CRTAM: variants seen among roughly 807,000 people sequenced by gnomAD.
CRTAM encodes the protein cytotoxic and regulatory T-cell molecule.
In CRTAM, 44 loss-of-function variants were observed where a neutral mutation model predicts 50.0. The ratio of observed to expected loss-of-function variants is 0.88; its 90% CI spans 0.69 to 1.13. The LOEUF is 1.13. Among genes scored for constraint, CRTAM ranks in the 50% most tolerant of loss-of-function variants. The pLI, the probability that CRTAM is intolerant of heterozygous loss-of-function variation, is 0.00. For synonymous variants in CRTAM, 159 were observed against 169.3 expected, an observed-to-expected ratio of 0.94 and a Z score of 0.47; for missense variants, 448 against 457.5, an observed-to-expected ratio of 0.98 and a Z score of 0.19.
rs748841881 is a variant in CRTAM at position 122,854,058 on chromosome 11, G to A, written c.462G>A (p.Trp154Ter). The A allele has an allele frequency of 1.1e-5, 18 of 1,613,922 alleles. No homozygotes were observed. Among genetic ancestry groups the A allele is most frequent in the Non-Finnish European group, 1.3e-5 (15 of 1,179,920 alleles). Residue 154 changes from tryptophan (W) to a stop codon, truncating the protein, a stop_gained, in exon 4 of 10, where the codon TGG (tryptophan) becomes TGA (stop). Transcript: ENST00000227348. LOFTEE classifies it high-confidence loss of function. Reference sequence around the variant, plus strand: ...GCAAGCCCCCTCCGCAGATAACCTGGCTACTTGGGAATAGCATGGAAGTGT... The same window carrying A: ...GCAAGCCCCCTCCGCAGATAACCTGACTACTTGGGAATAGCATGGAAGTGT... ...MRSKPPPQIT[W>*]LLGNSMEVSG...
At chr11:122,841,681 T>C (rs1861800260) in intron 1 of CRTAM, among the ~76,000 whole-genome samples, 1 of 152,146 alleles carries the variant, frequency 6.6e-6, no homozygotes. Context: ...ATTACAGGTG[T>C]GAGCCACCGA....
rs368794118 is a variant in CRTAM, at chr11:122,855,892, G to T, written c.652+36G>T. ...CTAATGATTCTCTTGAATAATTTTT[G>T]ATTTACTTTAATATTACACTATCAA... On this transcript the variant is annotated intron_variant, in intron 5 of 9. Coordinates refer to ENST00000227348, the MANE Select transcript of CRTAM (RefSeq NM_019604.4). The T allele has an allele frequency of 3.9e-5, 61 of 1,567,400 alleles. No individual in the cohort carries two copies. The African/African-American group carries it at 7.3e-4, about 19-fold the overall frequency.
At chr11:122,847,323 G>A (rs767075218) in intron 1 of CRTAM, among the ~76,000 whole-genome samples, 2 of 152,044 alleles carry the variant, frequency 1.3e-5, no homozygotes, top group East Asian at 1.9e-4. Context: ...ACAGCTCCTC[G>A]GTGCAACAGG....
Position 122,838,925 on chromosome 11 carries a change from T to TTTTATTTA in CRTAM, c.46+347_46+354dup, listed in dbSNP as rs71281632. Among the ~76,000 whole-genome samples, 234 of 151,740 alleles carry TTTTATTTA rather than the reference T, an allele frequency of 1.5e-3. 1 individual carries two copies. The highest frequency in any genetic ancestry group is 6.8e-3 in the Middle Eastern group (2 of 294). On this transcript the variant is annotated intron_variant, in intron 1 of 9. Coordinates refer to ENST00000227348, the MANE Select transcript of CRTAM (RefSeq NM_019604.4). The stretch of plus-strand genomic sequence containing the variant: ...AGCATCCGTATTGAATTTTATTTTA[T>TTTTATTTA]TTTATTTATTTATTTATTTATGAGA...
intron 1 of CRTAM, among the ~76,000 whole-genome samples, chr11:122,844,467 C>T (rs1413595497): frequency 6.6e-6 from 1 of 152,220 alleles, no homozygotes; most frequent in Non-Finnish European, 1.5e-5. Context: ...TTTCTTAATA[C>T]TACTCTTTAT....
At chr11:122,857,479 GAAT>G (rs138823812) in intron 5 of CRTAM, among the ~76,000 whole-genome samples, 2,142 of 152,186 alleles carry the variant, frequency 0.014, 37 homozygotes, top group African/African-American at 0.049. Flanking sequence ...ATAATAATAA[GAAT>G]AATAGGCTAA....
intron 6 of CRTAM, 107 bp downstream of exon 6, chr11:122,862,651 T>G: frequency 5.4e-6 from 4 of 741,592 alleles, no homozygotes; most frequent in Non-Finnish European, 8.8e-6. Context: ...TAATTTTTAC[T>G]AAGACCATAC....
At chr11:122,864,981 GT>G (rs1199210580) in intron 7 of CRTAM, among the ~76,000 whole-genome samples, 5 of 151,942 alleles carry the variant, frequency 3.3e-5, no homozygotes, top group Admixed American at 2.6e-4. Context: ...CTTCTTAAAT[GT>G]GTATGTACTT....
At chr11:122,846,862 A>T (rs1489888335) in intron 1 of CRTAM, among the ~76,000 whole-genome samples, 1 of 152,184 alleles carries the variant, frequency 6.6e-6, no homozygotes, top group Non-Finnish European at 1.5e-5. Context: ...CTTCTTCCTT[A>T]ATGTCTACTA....
In CRTAM at chr11:122,872,634, A is replaced by G. The variant is rs1246291535; in HGVS notation, c.*1235A>G. On this transcript the variant is annotated 3_prime_UTR_variant, in exon 10 of 10. Coordinates refer to ENST00000227348, the MANE Select transcript of CRTAM (RefSeq NM_019604.4). Reference sequence around the variant, plus strand: ...TTGGAATCTGAATAAACCAATTACAAAATAACATATGTGCACATTGTAAGT... The same window carrying G: ...TTGGAATCTGAATAAACCAATTACAGAATAACATATGTGCACATTGTAAGT... 1 of 152,668 alleles carries G rather than the reference A, an allele frequency of 6.6e-6. No homozygotes were observed. The highest frequency in any genetic ancestry group is 2.4e-5 in the African/African-American group (1 of 41,460). The allele number at this position is 152,668 out of a possible 1,614,324, so 9.5% of individuals were successfully genotyped here. A position where few individuals can be genotyped will look rare whatever the true frequency, so the allele number is the denominator to read the frequency against.
chr11:122,867,011 GT>G (rs921839824), intron 7 of CRTAM, among the ~76,000 whole-genome samples: 1 of 152,096 alleles, frequency 6.6e-6, no homozygotes, highest in African/African-American at 2.4e-5. Flanking sequence ...TATTTGGATA[GT>G]TTTTTAAACT....
chr11:122,843,572 G>A (rs1190488181), intron 1 of CRTAM, among the ~76,000 whole-genome samples: 1 of 152,148 alleles, frequency 6.6e-6, no homozygotes, highest in African/African-American at 2.4e-5. Flanking sequence ...ATGGCACTCG[G>A]GGTCTAATAA....
At chr11:122,852,821 C>G (rs1411874583) in intron 3 of CRTAM, among the ~76,000 whole-genome samples, 1 of 152,144 alleles carries the variant, frequency 6.6e-6, no homozygotes, top group Non-Finnish European at 1.5e-5. Flanking sequence ...CTATTAGCTC[C>G]TTGAATCATA....
chr11:122,868,017 C>T lies in CRTAM; in HGVS notation c.969C>T (p.Asn323=), dbSNP rs143121855. The T allele has an allele frequency of 1.7e-5, 27 of 1,600,928 alleles. No homozygotes were observed. In the South Asian group the frequency reaches 2.0e-4, roughly 12 times the overall value. Residue 323 remains asparagine, a synonymous_variant, in exon 9 of 10, where the codon AAC becomes AAT. Transcript: ENST00000227348. ...CTTGATTTTCTTTTTTTGTAGAAAA[C>T]GAAGTTTCAGAACACACACTAGAAA... The part of the protein sequence containing the change: ...RKAHVIWKKE[N]EVSEHTLESY...
chr11:122,868,230 GTGTGTGTA>G (rs1862207052), intron 9 of CRTAM, 131 bp downstream of exon 9: 11 of 563,132 alleles, frequency 2.0e-5, no homozygotes, highest in African/African-American at 6.2e-5. Context: ...GTGTGTGTGT[GTGTGTGTA>G]TGAGGTGGGA....
intron 1 of CRTAM, among the ~76,000 whole-genome samples, chr11:122,845,125 G>A (rs1389663393): frequency 2.0e-5 from 3 of 152,166 alleles, no homozygotes. Context: ...ATAGAGCTGA[G>A]GAGCAGCAGC....
chr11:122,847,635 G>A (rs111320121), intron 1 of CRTAM, among the ~76,000 whole-genome samples: 8 of 152,214 alleles, frequency 5.3e-5, no homozygotes, highest in Non-Finnish European at 1.0e-4. Flanking sequence ...GAAGTCCAGA[G>A]GGTGGGTGGT....
In CRTAM at chr11:122,870,229, C is replaced by T. The variant is rs188041234; in HGVS notation, c.1052-1040C>T. 9.9e-5 allele frequency among the ~76,000 whole-genome samples: 15 copies of T among 152,220 alleles called. No homozygotes were observed. The East Asian group carries it at 2.5e-3, about 25-fold the overall frequency. ...CCTAGTAGCTGGGACTACAGGCACG[C>T]ACCACCACGCCCAGTTAATTTTTAT... On this transcript the variant is annotated intron_variant, in intron 9 of 9. Coordinates refer to ENST00000227348, the MANE Select transcript of CRTAM (RefSeq NM_019604.4).
chr11:122,866,639 C>G (rs1290622858), intron 7 of CRTAM, among the ~76,000 whole-genome samples: 1 of 149,642 alleles, frequency 6.7e-6, no homozygotes, highest in African/African-American at 2.5e-5. Context: ...CAGGTCTCAT[C>G]TGTCTCCCAG....
Sources: allele counts gnomAD v4.1 joint callset (sites outside exome capture counted in the v4.1 genomes callset), GRCh38; gene constraint gnomAD v4.1.1; transcripts MANE v1.5; gene names NCBI Gene and HGNC (gene_info 2026-07-23, HGNC 2026-07-21).